The following ABLIM2 variants were observed in gnomAD, a reference collection of about 807,000 sequenced individuals.
ABLIM2 encodes the protein actin binding LIM protein family member 2, also known as actin-binding LIM protein 2.
ABLIM2 carries 53 observed loss-of-function variants against 97.7 expected under a neutral mutation model. The ratio of observed to expected loss-of-function variants is 0.54; its 90% CI spans 0.44 to 0.68. The LOEUF is 0.68. Among genes scored for constraint, ABLIM2 ranks in the 30% least tolerant of loss-of-function variants. The probability of loss-of-function intolerance (pLI) is 0.00; values close to 1 mark genes in which losing one functional copy is unlikely to be tolerated. For synonymous variants in ABLIM2, 361 were observed against 345.8 expected, an observed-to-expected ratio of 1.04 and a Z score of -0.49; for missense variants, 835 against 867.2, an observed-to-expected ratio of 0.96 and a Z score of 0.47.
intron 1 of ABLIM2, among the ~76,000 whole-genome samples, chr4:8,114,068 C>T (rs778578792): frequency 2.1e-4 from 32 of 152,348 alleles, no homozygotes; most frequent in Middle Eastern, 3.4e-3. Flanking sequence ...ACCTTCATTG[C>T]GGCACAGCCC....
intron 3 of ABLIM2, among the ~76,000 whole-genome samples, chr4:8,094,581 A>G (rs1040718905): frequency 6.6e-6 from 1 of 152,222 alleles, no homozygotes; most frequent in Non-Finnish European, 1.5e-5. Context: ...TTTTCTATAC[A>G]ATATCTGGAA....
chr4:8,011,555 A>G lies in ABLIM2; in HGVS notation c.1424-2453T>C, dbSNP rs148992433. Among the ~76,000 whole-genome samples, 797 of 152,370 alleles carry G rather than the reference A, an allele frequency of 5.2e-3. 13 individuals are homozygous for G. Among genetic ancestry groups the G allele is most frequent in the African/African-American group, 0.016 (682 of 41,594 alleles). On this transcript the variant is annotated intron_variant, in intron 14 of 20. Transcript: ENST00000447017. ...GTGAGGATCACATGAGATAACCTGCATGGATGCTGGAACATAATAGGAAAC... is the reference window on the plus strand; with the variant it reads ...GTGAGGATCACATGAGATAACCTGCGTGGATGCTGGAACATAATAGGAAAC...
intron 1 of ABLIM2, among the ~76,000 whole-genome samples, chr4:8,157,887 C>G (rs1033805673): frequency 7.2e-5 from 11 of 152,274 alleles, no homozygotes; most frequent in African/African-American, 2.7e-4. Context: ...AACGACAAGC[C>G]CTCAGCCCGG....
chr4:8,055,443 C>T (rs1383655539), intron 7 of ABLIM2, among the ~76,000 whole-genome samples: 1 of 151,116 alleles, frequency 6.6e-6, no homozygotes, highest in African/African-American at 2.4e-5. Flanking sequence ...TGGCACTGCA[C>T]TCACACATCC....
At chr4:8,007,824 G>C in intron 16 of ABLIM2, 1 of 1,325,316 alleles carries the variant, frequency 7.5e-7, no homozygotes, top group South Asian at 2.2e-5. Context: ...ATCTGTGAGG[G>C]GACATGCAGG....
chr4:8,041,821 G>A (rs948925825), intron 9 of ABLIM2, among the ~76,000 whole-genome samples: 21 of 151,978 alleles, frequency 1.4e-4, no homozygotes, highest in African/African-American at 3.6e-4. Flanking sequence ...GGAGAATGGC[G>A]TGAACCTGGG....
intron 7 of ABLIM2, among the ~76,000 whole-genome samples, chr4:8,057,098 C>A (rs909511209): frequency 7.7e-6 from 1 of 130,146 alleles, no homozygotes; most frequent in Non-Finnish European, 1.6e-5. Flanking sequence ...TTCTTTCTTT[C>A]TTTTTTTTTT....
rs907878131 is a variant in ABLIM2 at position 8,108,595 on chromosome 4, C to T, written c.11-1958G>A. 5.8e-4 allele frequency among the ~76,000 whole-genome samples: 89 copies of T among 152,358 alleles called. 2 individuals are homozygous for T. Among genetic ancestry groups the T allele is most frequent in the Admixed American group, 5.6e-3 (85 of 15,310 alleles). ...CTCACAACTGATAGCCGTCCTAATT[C>T]GTGCCCCCGCTTTCCAGTTAGGATC... is the stretch of plus-strand genomic sequence containing the variant. On this transcript the variant is annotated intron_variant, in intron 1 of 20. Coordinates refer to ENST00000447017, the MANE Select transcript of ABLIM2 (RefSeq NM_001130083.2).
chr4:8,154,130 T>C (rs1384679288), intron 1 of ABLIM2, among the ~76,000 whole-genome samples: 4 of 148,824 alleles, frequency 2.7e-5, no homozygotes, highest in African/African-American at 7.5e-5. Context: ...GCCCAGCTAA[T>C]TTTTTGTATT....
At chr4:8,151,757 G>A (rs1475006676) in intron 1 of ABLIM2, among the ~76,000 whole-genome samples, 2 of 151,896 alleles carry the variant, frequency 1.3e-5, no homozygotes, top group South Asian at 2.1e-4. Flanking sequence ...AGGTCCAGGC[G>A]AGGGGCTGGA....
At chr4:8,052,488 G>A (rs537355137) in intron 8 of ABLIM2, among the ~76,000 whole-genome samples, 2 of 152,370 alleles carry the variant, frequency 1.3e-5, no homozygotes, top group East Asian at 3.9e-4. Context: ...TCCTGGCCAA[G>A]CTCACAGCGG....
chr4:8,078,063 T>C (rs528825917), intron 5 of ABLIM2, among the ~76,000 whole-genome samples: 1 of 152,254 alleles, frequency 6.6e-6, no homozygotes, highest in South Asian at 2.1e-4. Flanking sequence ...CCATCCAAAG[T>C]TCAACATCTG....
intron 1 of ABLIM2, 48 bp from the exon 2 acceptor site, chr4:8,106,685 C>A: frequency 6.4e-7 from 1 of 1,556,610 alleles, no homozygotes. Context: ...ATGTGTGAGG[C>A]ACAAAGGTGA....
chr4:7,979,890 G>A (rs1052324289), intron 20 of ABLIM2, among the ~76,000 whole-genome samples: 5 of 152,178 alleles, frequency 3.3e-5, no homozygotes, highest in African/African-American at 1.2e-4. Flanking sequence ...CTTTTTCTGG[G>A]ACTGCTGAGA....
At chr4:8,096,420 G>C (rs1831579290) in intron 3 of ABLIM2, among the ~76,000 whole-genome samples, 1 of 152,192 alleles carries the variant, frequency 6.6e-6, no homozygotes, top group Non-Finnish European at 1.5e-5. Context: ...GATAATCCCT[G>C]GGAGAGAGAG....
chr4:8,047,344 G>A (rs536949393), intron 8 of ABLIM2, among the ~76,000 whole-genome samples: 315 of 150,030 alleles, frequency 2.1e-3, no homozygotes, highest in African/African-American at 6.6e-3. Flanking sequence ...GGCAACTGCC[G>A]CTGCCACCGC....
At position 8,072,808 on chromosome 4, in the gene ABLIM2, A is replaced by G. The variant is rs1813182543; in HGVS notation, c.675+4820T>C. ...GGCTGAGCATCAGAGCCACCAGCGC[A>G]TAAGAGGAGCAGGGTCAGGGACAGC... On this transcript the variant is annotated intron_variant, in intron 6 of 20. Coordinates refer to ENST00000447017, the MANE Select transcript of ABLIM2 (RefSeq NM_001130083.2). The surrounding 1 kb of genome is among the most constrained non-coding windows in gnomAD (Gnocchi z 5.8). 6.6e-6 allele frequency among the ~76,000 whole-genome samples: 1 copy of G among 152,152 alleles called. No homozygotes were observed.
At chr4:8,012,755 C>T (rs1765913765) in intron 14 of ABLIM2, among the ~76,000 whole-genome samples, 1 of 151,980 alleles carries the variant, frequency 6.6e-6, no homozygotes, top group Admixed American at 6.6e-5. Context: ...TCCATCCATC[C>T]ATCCATCCAC....
chr4:8,152,004 G>A (rs766338809), intron 1 of ABLIM2, among the ~76,000 whole-genome samples: 24 of 152,138 alleles, frequency 1.6e-4, no homozygotes, highest in Non-Finnish European at 2.9e-4. Flanking sequence ...CATAGGAGGC[G>A]GGTTTGGGTC....
Sources: allele counts gnomAD v4.1 joint callset (sites outside exome capture counted in the v4.1 genomes callset), GRCh38; gene constraint gnomAD v4.1.1; non-coding constraint Gnocchi (gnomAD v3.1); transcripts MANE v1.5; gene names NCBI Gene and HGNC (gene_info 2026-07-23, HGNC 2026-07-21).